Variants in DACH2 observed in about 807,000 individuals in gnomAD.
DACH2 encodes dachshund family transcription factor 2, also known as dachshund homolog 2.
Under a neutral mutation model 35.8 loss-of-function variants are expected in DACH2, and 17 were observed. The observed-to-expected ratio is 0.48, with a 90% CI of 0.33 to 0.71. The LOEUF (loss-of-function observed/expected upper bound fraction) is 0.71. Ranked by LOEUF, DACH2 falls within the 30% of genes least tolerant of loss-of-function variation. The probability of loss-of-function intolerance (pLI) is 0.02; values close to 1 mark genes in which losing one functional copy is unlikely to be tolerated. For synonymous variants in DACH2, 195 were observed against 177.3 expected (o/e 1.10, Z -0.79); for missense variants, 469 against 472.7 (o/e 0.99, Z 0.07).
intron 6 of DACH2, among the ~76,000 whole-genome samples, chrX:86,736,354 A>G (rs1421156845): frequency 9.0e-6 from 1 of 111,177 alleles, no homozygotes; most frequent in East Asian, 2.8e-4. Flanking sequence ...TGTTACTGTC[A>G]CTCTTAATAT....
At chrX:86,161,417 C>A in intron 1 of DACH2, 1 of 619,730 alleles carries the variant, frequency 1.6e-6, no homozygotes, top group Non-Finnish European at 2.3e-6. Context: ...TACATGAGGC[C>A]AGTTACTGAC....
chrX:86,359,932 G>A lies in DACH2; in HGVS notation c.489-16892G>A, dbSNP rs752344442. Among the ~76,000 whole-genome samples the A allele has an allele frequency of 2.5e-3, 270 of 109,688 alleles. 2 individuals are homozygous for A. The highest frequency in any genetic ancestry group is 3.9e-3 in the Non-Finnish European group (203 of 52,633). On this transcript the variant is annotated intron_variant, in intron 1 of 11. Transcript: ENST00000373125. ...TCTGATGCTCAGGCTGGAGTACAGT[G>A]GTGCATGCAACTAGATCACCGCTCG...
At chrX:86,179,846 G>T (rs996121422) in intron 1 of DACH2, among the ~76,000 whole-genome samples, 1 of 109,941 alleles carries the variant, frequency 9.1e-6, no homozygotes, top group African/African-American at 3.3e-5. Flanking sequence ...ATTGCTTAAC[G>T]AAAAGCAGTC....
At position 86,714,566 on chromosome X, in the gene DACH2, T is replaced by G; in HGVS notation, c.950T>G (p.Met317Arg). ...LLTNRLDLPF[M>R]MMPHPLLPVS... ...CTTTTAGGACTGGATCTGCCATTTA[T>G]GATGATGCCTCATCCCCTACTTCCA... Residue 317 changes from methionine (M) to arginine (R), a missense_variant, in exon 6 of 12, where the codon ATG (methionine) becomes AGG (arginine). This residue lies in a region of DACH2 where 363 missense variants were observed against 334.4 expected (regional missense o/e 1.09). Coordinates refer to ENST00000373125, the MANE Select transcript of DACH2 (RefSeq NM_053281.3). The G allele has an allele frequency of 4.2e-6, 5 of 1,203,810 alleles. No homozygotes were observed. Among genetic ancestry groups the G allele is most frequent in the Non-Finnish European group, 5.6e-6 (5 of 889,859 alleles).
chrX:86,169,941 A>T (rs1431537908), intron 1 of DACH2, among the ~76,000 whole-genome samples: 1 of 110,289 alleles, frequency 9.1e-6, no homozygotes, highest in African/African-American at 3.3e-5. Flanking sequence ...AGAGTTAGGT[A>T]TTTGTTGTAG....
At chrX:86,364,947 T>C (rs2035786588) in intron 1 of DACH2, among the ~76,000 whole-genome samples, 1 of 111,163 alleles carries the variant, frequency 9.0e-6, no homozygotes, top group Non-Finnish European at 1.9e-5. Context: ...CTCTAGTAAT[T>C]GATAAGATAA....
chrX:86,214,394 G>A (rs192216432), intron 1 of DACH2, among the ~76,000 whole-genome samples: 49 of 111,916 alleles, frequency 4.4e-4, no homozygotes, highest in African/African-American at 1.5e-3. Flanking sequence ...CACATCTTCA[G>A]TTGTCACCTA....
intron 1 of DACH2, among the ~76,000 whole-genome samples, chrX:86,293,496 T>C (rs1194655651): frequency 1.2e-4 from 13 of 109,297 alleles, no homozygotes; most frequent in African/African-American, 4.4e-4. Context: ...TGCTTGTTAG[T>C]TGATGCAGTT....
intron 4 of DACH2, 78 bp downstream of exon 4, chrX:86,651,245 G>A: frequency 9.7e-7 from 1 of 1,027,728 alleles, no homozygotes; most frequent in South Asian, 2.7e-5. Context: ...GATGAGGATG[G>A]AGGAGAGAAT....
chrX:86,257,880 G>A (rs1019547088), intron 1 of DACH2, among the ~76,000 whole-genome samples: 12 of 111,570 alleles, frequency 1.1e-4, no homozygotes, highest in African/African-American at 3.9e-4. Flanking sequence ...TTTCTATTCA[G>A]GATTCTTGGG....
chrX:86,805,126 C>T (rs890628798), intron 7 of DACH2, among the ~76,000 whole-genome samples: 3 of 112,731 alleles, frequency 2.7e-5, no homozygotes, highest in African/African-American at 9.7e-5. Flanking sequence ...AGGGCTCCAC[C>T]CCTGCCACAG....
At chrX:86,453,558 A>G (rs918975700) in intron 2 of DACH2, among the ~76,000 whole-genome samples, 3 of 106,569 alleles carry the variant, frequency 2.8e-5, no homozygotes, top group Non-Finnish European at 5.9e-5. Flanking sequence ...ACCTTTTACC[A>G]TTAGGTAATG....
chrX:86,497,262 T>C (rs1288603778), intron 2 of DACH2, among the ~76,000 whole-genome samples: 7 of 111,511 alleles, frequency 6.3e-5, no homozygotes, highest in Non-Finnish European at 1.3e-4. Flanking sequence ...TCATTACAAA[T>C]GCAAATTCTC....
chrX:86,349,296 C>T (rs777379503), intron 1 of DACH2, among the ~76,000 whole-genome samples: 1 of 111,335 alleles, frequency 9.0e-6, no homozygotes, highest in Non-Finnish European at 1.9e-5. Flanking sequence ...TTCGCCTCGC[C>T]GGTTGATGGC....
At chrX:86,331,248 A>G (rs2035207144) in intron 1 of DACH2, among the ~76,000 whole-genome samples, 1 of 110,912 alleles carries the variant, frequency 9.0e-6, no homozygotes, top group Non-Finnish European at 1.9e-5. Flanking sequence ...GATATTTACA[A>G]GAGTCGAGGC....
chrX:86,157,797 A>G (rs756239948), intron 1 of DACH2, among the ~76,000 whole-genome samples: 8 of 111,593 alleles, frequency 7.2e-5, no homozygotes, highest in Non-Finnish European at 1.3e-4. Flanking sequence ...ATTTTTACGA[A>G]CAGTATTTAG....
At chrX:86,483,395 T>C (rs186672855) in intron 2 of DACH2, among the ~76,000 whole-genome samples, 149 of 111,945 alleles carry the variant, frequency 1.3e-3, no homozygotes, top group African/African-American at 4.5e-3. Context: ...TGGTGTCTTA[T>C]AAGCAAATCA....
intron 2 of DACH2, among the ~76,000 whole-genome samples, chrX:86,378,703 C>A (rs189306235): frequency 5.4e-5 from 6 of 110,863 alleles, no homozygotes; most frequent in African/African-American, 1.6e-4. Flanking sequence ...TGTCAGTTTG[C>A]GACCTCTGCT....
At chrX:86,181,260 C>G (rs776356568) in intron 1 of DACH2, among the ~76,000 whole-genome samples, 1 of 109,892 alleles carries the variant, frequency 9.1e-6, no homozygotes, top group East Asian at 2.8e-4. Context: ...TAGGTCTACA[C>G]ATGCCATGGT....
Sources: allele counts gnomAD v4.1 joint callset (sites outside exome capture counted in the v4.1 genomes callset), GRCh38; gene constraint gnomAD v4.1.1; regional missense constraint gnomAD v4.1.1; transcripts MANE v1.5; gene names NCBI Gene and HGNC (gene_info 2026-07-23, HGNC 2026-07-21).